Variants in TTC28 observed in about 807,000 individuals in gnomAD.
The protein encoded by TTC28 is tetratricopeptide repeat protein 28.
In TTC28, 61 loss-of-function variants were observed where a neutral mutation model predicts 198.0. The ratio of observed to expected loss-of-function variants is 0.31; its 90% confidence interval spans 0.25 to 0.38. The LOEUF is 0.38. Among genes scored for constraint, TTC28 ranks in the 10% least tolerant of loss-of-function variants. The pLI, the probability that TTC28 is intolerant of heterozygous loss-of-function variation, is 1.00. For missense variants in TTC28, 2,678 were observed against 3,164.0 expected (o/e 0.85, Z 3.69); for synonymous variants, 1,171 against 1,297.8 (o/e 0.90, Z 2.10).
intron 1 of TTC28, chr22:28,642,952 T>C (rs1451159425): frequency 6.6e-6 from 1 of 152,124 alleles, no homozygotes; most frequent in East Asian, 1.9e-4. Flanking sequence ...ATAGAGAACA[T>C]TTTTTATTCT....
intron 2 of TTC28, among the ~76,000 whole-genome samples, chr22:28,480,766 G>GA (rs1057333774): frequency 1.3e-5 from 2 of 151,416 alleles, no homozygotes; most frequent in African/African-American, 2.4e-5. Context: ...AACCAAGAAG[G>GA]AAAAAAATAC....
intron 13 of TTC28, among the ~76,000 whole-genome samples, chr22:28,020,909 G>A (rs1234137637): frequency 2.6e-5 from 4 of 152,062 alleles, no homozygotes; most frequent in Admixed American, 2.0e-4. Flanking sequence ...GCTAGGACCC[G>A]ACAGACCTCC....
At chr22:28,231,683 C>T (rs1928817873) in intron 5 of TTC28, among the ~76,000 whole-genome samples, 1 of 152,146 alleles carries the variant, frequency 6.6e-6, no homozygotes, top group African/African-American at 2.4e-5. Flanking sequence ...CTGTGATAGA[C>T]CAGGCATGGC....
Position 28,163,076 on chromosome 22 carries a change from G to C in TTC28, c.1441+16C>G, listed in dbSNP as rs756840210. ...ATGACTTTGACCTGGGCTCTTACAG[G>C]CAACCCTGTTCTTACCTAGATTGGA... is the stretch of plus-strand genomic sequence containing the variant. On this transcript the variant is annotated intron_variant, in intron 6 of 22. Coordinates refer to ENST00000397906, the MANE Select transcript of TTC28 (RefSeq NM_001145418.2). 3.1e-5 allele frequency: 48 copies of C among 1,526,986 alleles called. 1 individual carries two copies. In the South Asian group the frequency reaches 5.4e-4, roughly 17 times the overall value. 94.6% of individuals were successfully genotyped at this position (1,526,986 alleles called of 1,614,324 possible). A position where few individuals can be genotyped will look rare whatever the true frequency, so the allele number is the denominator to read the frequency against.
chr22:28,510,996 G>C (rs1158844276), intron 2 of TTC28, among the ~76,000 whole-genome samples: 2 of 152,048 alleles, frequency 1.3e-5, no homozygotes, highest in African/African-American at 4.8e-5. Context: ...ACTGCTCAAA[G>C]AAATCAGAGA....
chr22:28,049,070 CA>C (rs1476614226), intron 12 of TTC28, among the ~76,000 whole-genome samples: 1 of 152,198 alleles, frequency 6.6e-6, no homozygotes, highest in Admixed American at 6.5e-5. Flanking sequence ...ATTGCATGGA[CA>C]GGTGTGGAGG....
chr22:28,656,754 G>A (rs754963246), intron 1 of TTC28, among the ~76,000 whole-genome samples: 2 of 151,974 alleles, frequency 1.3e-5, no homozygotes, highest in African/African-American at 2.4e-5. Context: ...AATTCCCACC[G>A]GCCTGTCGTG....
chr22:28,311,413 T>G (rs894230365), intron 2 of TTC28, among the ~76,000 whole-genome samples: 1 of 152,188 alleles, frequency 6.6e-6, no homozygotes, highest in Non-Finnish European at 1.5e-5. Flanking sequence ...TATCACTGTA[T>G]GTATACAAAA....
At chr22:28,306,973 G>A in intron 2 of TTC28, among the ~76,000 whole-genome samples, 1 of 152,042 alleles carries the variant, frequency 6.6e-6, no homozygotes, top group Middle Eastern at 3.2e-3. Context: ...AGCTCCTCAG[G>A]AAAGGGACTT....
chr22:28,061,792 T>C (rs1391403938), intron 12 of TTC28, among the ~76,000 whole-genome samples: 4 of 152,226 alleles, frequency 2.6e-5, no homozygotes, highest in African/African-American at 9.6e-5. Context: ...GCATTGAATC[T>C]ATAAATTACC....
chr22:28,402,375 T>A (rs1293808598), intron 2 of TTC28, among the ~76,000 whole-genome samples: 1 of 152,246 alleles, frequency 6.6e-6, no homozygotes, highest in Admixed American at 6.5e-5. Flanking sequence ...AGTCCTGTGG[T>A]GGCACATGCA....
chr22:28,263,333 C>CT (rs1931452937), intron 5 of TTC28, among the ~76,000 whole-genome samples: 1 of 152,042 alleles, frequency 6.6e-6, no homozygotes, highest in African/African-American at 2.4e-5. Flanking sequence ...AGCAACTCAA[C>CT]TTTTTAAAAA....
chr22:28,468,690 ATTT>A (rs35984422), intron 2 of TTC28, among the ~76,000 whole-genome samples: 11 of 122,292 alleles, frequency 9.0e-5, no homozygotes, highest in African/African-American at 2.4e-4. Context: ...CGCCCGGCTA[ATTT>A]TTTTTTTTTT....
At chr22:28,101,402 G>T in intron 8 of TTC28, 122 bp from the exon 9 acceptor site, 1 of 820,018 alleles carries the variant, frequency 1.2e-6, no homozygotes, top group Non-Finnish European at 1.9e-6. Flanking sequence ...GTCTCACTCT[G>T]TTCCCCAGAC....
intron 1 of TTC28, among the ~76,000 whole-genome samples, chr22:28,641,715 G>C (rs1418216788): frequency 1.3e-5 from 2 of 152,018 alleles, no homozygotes; most frequent in Admixed American, 1.3e-4. Context: ...TAAATAGCAG[G>C]CCTACACTAA....
intron 5 of TTC28, among the ~76,000 whole-genome samples, chr22:28,185,060 G>C (rs1924065507): frequency 6.6e-6 from 1 of 152,178 alleles, no homozygotes. Flanking sequence ...GGATATAAAA[G>C]AAGAAAAGTC....
At chr22:28,050,211 G>A (rs1251043263) in intron 12 of TTC28, among the ~76,000 whole-genome samples, 1 of 152,040 alleles carries the variant, frequency 6.6e-6, no homozygotes, top group African/African-American at 2.4e-5. Context: ...AATCAGGCCT[G>A]TTCATTCCCC....
At chr22:28,445,650 A>G (rs765301157) in intron 2 of TTC28, among the ~76,000 whole-genome samples, 5 of 151,766 alleles carry the variant, frequency 3.3e-5, no homozygotes, top group Non-Finnish European at 7.4e-5. Context: ...CCAACCATAC[A>G]CTTGTGCTCT....
chr22:28,071,321 T>C (rs1940958754), intron 12 of TTC28, among the ~76,000 whole-genome samples: 1 of 151,426 alleles, frequency 6.6e-6, no homozygotes, highest in Admixed American at 6.6e-5. Flanking sequence ...AGCAAAGACT[T>C]GGAACCAACC....
Sources: gnomAD v4.1 joint callset for allele counts (sites outside exome capture counted in the v4.1 genomes callset) on GRCh38, gnomAD v4.1.1 for gene constraint, MANE v1.5 for transcripts, NCBI Gene and HGNC (gene_info 2026-07-23, HGNC 2026-07-21) for gene names.